Variants in SCHIP1 observed in about 807,000 individuals in gnomAD.
SCHIP1 encodes schwannomin interacting protein 1.
Under a neutral mutation model 29.7 loss-of-function variants are expected in SCHIP1, and 8 were observed. That is an observed-to-expected ratio of 0.27 (90% CI 0.16 to 0.49). The LOEUF is 0.49. Ranked by LOEUF, SCHIP1 falls within the 20% of genes least tolerant of loss-of-function variation. SCHIP1 has a pLI of 0.99. For missense variants in SCHIP1, 193 were observed against 294.6 expected (o/e 0.66, Z 2.52); for synonymous variants, 76 against 94.9 (o/e 0.80, Z 1.16).
chr3:159,371,120 A>G, the SCHIP1 span, among the ~76,000 whole-genome samples: 6 of 152,112 alleles, frequency 3.9e-5, no homozygotes, highest in Non-Finnish European at 8.8e-5. Flanking sequence ...TTTATTCACT[A>G]TTGTTTTCTC....
At chr3:159,645,653 G>A in the SCHIP1 span, among the ~76,000 whole-genome samples, 1 of 152,192 alleles carries the variant, frequency 6.6e-6, no homozygotes, top group East Asian at 1.9e-4. Flanking sequence ...CAAAACCAGT[G>A]AGGGAGCCAT....
At chr3:159,856,942 C>T (rs547412140) in intron 1 of SCHIP1, among the ~76,000 whole-genome samples, 1 of 152,250 alleles carries the variant, frequency 6.6e-6, no homozygotes, top group East Asian at 1.9e-4. Flanking sequence ...GAAAAACAGC[C>T]GTCGACCTCC....
intron 5 of SCHIP1, among the ~76,000 whole-genome samples, chr3:159,890,998 GC>G (rs1671062815): frequency 6.6e-6 from 1 of 152,146 alleles, no homozygotes; most frequent in Non-Finnish European, 1.5e-5. Context: ...GAGGGAAAAA[GC>G]AAGAGAGAGC....
At chr3:159,478,897 G>A in the SCHIP1 span, among the ~76,000 whole-genome samples, 1 of 152,134 alleles carries the variant, frequency 6.6e-6, no homozygotes, top group East Asian at 1.9e-4. Context: ...CTGAGTTTTT[G>A]TATGACGATT....
chr3:159,869,108 C>A (rs1714957768), intron 2 of SCHIP1, among the ~76,000 whole-genome samples: 2 of 152,034 alleles, frequency 1.3e-5, no homozygotes, highest in African/African-American at 2.4e-5. Flanking sequence ...CTTTTCTCAT[C>A]AACTTATCGA....
the SCHIP1 span, among the ~76,000 whole-genome samples, chr3:159,781,822 G>A: frequency 6.6e-6 from 1 of 152,178 alleles, no homozygotes; most frequent in Admixed American, 6.5e-5. Context: ...TCCCTTCCCA[G>A]GACAGGGCTT....
the SCHIP1 span, among the ~76,000 whole-genome samples, chr3:159,291,639 C>T: frequency 1.3e-5 from 2 of 152,136 alleles, no homozygotes; most frequent in Non-Finnish European, 2.9e-5. Flanking sequence ...ATCTCAGCAT[C>T]AGTAAGAGTG....
the SCHIP1 span, among the ~76,000 whole-genome samples, chr3:159,325,069 GGTAA>G: frequency 6.6e-6 from 1 of 151,998 alleles, no homozygotes; most frequent in Admixed American, 6.6e-5. Flanking sequence ...TATTGAGTTT[GGTAA>G]CTTCTTTATG....
the SCHIP1 span, among the ~76,000 whole-genome samples, chr3:159,796,532 C>A: frequency 6.6e-6 from 1 of 152,110 alleles, no homozygotes; most frequent in African/African-American, 2.4e-5. Flanking sequence ...GTGAACATAG[C>A]GTGACTGGAG....
the SCHIP1 span, among the ~76,000 whole-genome samples, chr3:159,542,733 T>C: frequency 6.6e-6 from 1 of 152,184 alleles, no homozygotes; most frequent in East Asian, 1.9e-4. Context: ...CACAAAGGAA[T>C]TTCTGAACCT....
the SCHIP1 span, among the ~76,000 whole-genome samples, chr3:159,616,095 C>T: frequency 1.5e-5 from 2 of 137,066 alleles, no homozygotes; most frequent in African/African-American, 7.4e-5. Context: ...TCTCAGAGAG[C>T]CAAGTGCACA....
chr3:159,376,372 C>A, the SCHIP1 span, among the ~76,000 whole-genome samples: 4 of 152,154 alleles, frequency 2.6e-5, no homozygotes, highest in Admixed American at 2.6e-4. Flanking sequence ...GTCAACCTGG[C>A]ACAACCATTG....
rs139751579 is a variant in SCHIP1 at position 159,874,453 on chromosome 3, A to G, written c.149+8172A>G. Among the ~76,000 whole-genome samples the G allele has an allele frequency of 5.7e-3, 865 of 152,334 alleles. 12 individuals are homozygous for G. The highest frequency in any genetic ancestry group is 0.02 in the African/African-American group (826 of 41,568). On this transcript the variant is annotated intron_variant, in intron 2 of 6. Coordinates refer to ENST00000445224, the Ensembl canonical transcript of SCHIP1. Reference sequence around the variant, plus strand: ...TTGGTAAATGGCTGAGACAAGGCCAATAATGGACACCTGCCATCTCCTTTT... The same window carrying G: ...TTGGTAAATGGCTGAGACAAGGCCAGTAATGGACACCTGCCATCTCCTTTT...
chr3:159,283,540 G>T, the SCHIP1 span, among the ~76,000 whole-genome samples: 1 of 150,430 alleles, frequency 6.6e-6, no homozygotes, highest in Non-Finnish European at 1.5e-5. Flanking sequence ...ACGGAGTTTC[G>T]CTCTTGTTGC....
At chr3:159,284,871 G>A in the SCHIP1 span, among the ~76,000 whole-genome samples, 4 of 151,952 alleles carry the variant, frequency 2.6e-5, no homozygotes, top group African/African-American at 9.7e-5. Flanking sequence ...TTGTTTTGAT[G>A]AATTAATATT....
chr3:159,284,016 T>C, the SCHIP1 span, among the ~76,000 whole-genome samples: 2 of 152,188 alleles, frequency 1.3e-5, no homozygotes, highest in East Asian at 1.9e-4. Flanking sequence ...AATTCACCTG[T>C]AGTTTGTATT....
At chr3:159,348,839 A>AT in the SCHIP1 span, among the ~76,000 whole-genome samples, 1 of 152,194 alleles carries the variant, frequency 6.6e-6, no homozygotes, top group African/African-American at 2.4e-5. Context: ...CTTTCCACCT[A>AT]TTTTGAACTG....
the SCHIP1 span, among the ~76,000 whole-genome samples, chr3:159,560,709 T>G: frequency 1.3e-5 from 2 of 148,962 alleles, no homozygotes; most frequent in Admixed American, 1.3e-4. Context: ...GTTGCCCCCC[T>G]TCACTTATTA....
the SCHIP1 span, among the ~76,000 whole-genome samples, chr3:159,367,208 C>T: frequency 7.9e-5 from 12 of 152,242 alleles, no homozygotes; most frequent in African/African-American, 2.2e-4. Flanking sequence ...GCCTGACCAA[C>T]GTGGAGAAAC....
Sources: allele counts gnomAD v4.1 joint callset (sites outside exome capture counted in the v4.1 genomes callset), GRCh38; gene constraint gnomAD v4.1.1; transcripts MANE v1.5; gene names NCBI Gene and HGNC (gene_info 2026-07-23, HGNC 2026-07-21).